Variants in CTNNB1 observed in about 807,000 individuals in gnomAD.
The protein encoded by CTNNB1 is catenin beta 1, also known as catenin beta-1.
In CTNNB1, 6 loss-of-function variants were observed where a neutral mutation model predicts 82.5. The observed-to-expected ratio is 0.07, with a 90% CI of 0.04 to 0.14. The LOEUF (loss-of-function observed/expected upper bound fraction) is 0.14. Among genes scored for constraint, CTNNB1 ranks in the 10% least tolerant of loss-of-function variants. CTNNB1 has a pLI of 1.00. For synonymous variants in CTNNB1, 312 were observed against 329.7 expected, an observed-to-expected ratio of 0.95 and a Z score of 0.58; for missense variants, 529 against 980.4, an observed-to-expected ratio of 0.54 and a Z score of 6.15.
intron 6 of CTNNB1, among the ~76,000 whole-genome samples, chr3:41,226,671 A>G (rs1243903783): frequency 6.6e-6 from 1 of 152,212 alleles, no homozygotes; most frequent in Non-Finnish European, 1.5e-5. Flanking sequence ...AAATTTCAGC[A>G]GAAGCCTGAA....
intron 1 of CTNNB1, among the ~76,000 whole-genome samples, chr3:41,207,333 C>T (rs1203110554): frequency 4.6e-5 from 7 of 152,078 alleles, no homozygotes; most frequent in Admixed American, 2.6e-4. Context: ...TTGAAGAGCG[C>T]CCTCATTATA....
intron 1 of CTNNB1, among the ~76,000 whole-genome samples, chr3:41,218,835 G>A (rs1436994162): frequency 6.6e-6 from 1 of 152,184 alleles, no homozygotes; most frequent in Non-Finnish European, 1.5e-5. Flanking sequence ...GGGATTACAG[G>A]TGTGAGCCAC....
rs1474495388 is a variant in CTNNB1 at position 41,239,716 on chromosome 3, G to A, written c.*374G>A. 2.7e-6 allele frequency: 1 copy of A among 374,962 alleles called. No homozygotes were observed. The highest frequency in any genetic ancestry group is 4.9e-6 in the Non-Finnish European group (1 of 202,268). The allele number at this position is 374,962 out of a possible 1,614,324, so 23.2% of individuals were successfully genotyped here. A position where few individuals can be genotyped will look rare whatever the true frequency, so the allele number is the denominator to read the frequency against. On this transcript the variant is annotated 3_prime_UTR_variant, in exon 15 of 15. Transcript: ENST00000349496. ...CTGTAGAGTTGCTGAGAGGGCTCGAGGGGTGGGCTGGTATCTCAGAAAGTG... is the reference window on the plus strand; with the variant it reads ...CTGTAGAGTTGCTGAGAGGGCTCGAAGGGTGGGCTGGTATCTCAGAAAGTG...
rs776919265 is a variant in CTNNB1, at chr3:41,235,869, G to GT, written c.1803+30dup. ...GTATGTTTTAAGTGAAGTGTTCTAG[G>GT]TTTTATGTCCATAAAATTTCCAGAT... is the stretch of plus-strand genomic sequence containing the variant. On this transcript the variant is annotated intron_variant, in intron 11 of 14. Transcript: ENST00000349496. 64 of 1,613,682 alleles carry GT rather than the reference G, an allele frequency of 4.0e-5. No homozygotes were observed. In the African/African-American group the frequency reaches 7.7e-4, roughly 19 times the overall value.
chr3:41,213,852 T>C (rs748273213), intron 1 of CTNNB1, among the ~76,000 whole-genome samples: 10 of 152,192 alleles, frequency 6.6e-5, no homozygotes, highest in Non-Finnish European at 1.3e-4. Flanking sequence ...ATTTTAATAA[T>C]AGAAGCTTCC....
chr3:41,201,826 G>A (rs1232065081), intron 1 of CTNNB1, among the ~76,000 whole-genome samples: 1 of 152,080 alleles, frequency 6.6e-6, no homozygotes, highest in Non-Finnish European at 1.5e-5. Context: ...ATATAGAAAA[G>A]TGTATTTCCA....
At chr3:41,220,430 CG>C (rs1304219085) in intron 1 of CTNNB1, 3 of 128,396 alleles carry the variant, frequency 2.3e-5, no homozygotes, top group African/African-American at 8.6e-5. Flanking sequence ...CCCCCCTCCC[CG>C]AAGAAAGCTG....
intron 1 of CTNNB1, among the ~76,000 whole-genome samples, chr3:41,208,570 T>C (rs181517410): frequency 6.6e-6 from 1 of 152,360 alleles, no homozygotes; most frequent in African/African-American, 2.4e-5. Context: ...AGCTTTTCCC[T>C]GTTCCTCACC....
In CTNNB1 at chr3:41,239,771, A is replaced by G. The variant is rs1468244125; in HGVS notation, c.*429A>G. On this transcript the variant is annotated 3_prime_UTR_variant, in exon 15 of 15. Coordinates refer to ENST00000349496, the MANE Select transcript of CTNNB1 (RefSeq NM_001904.4). ...ACACACTAACCAAGCTGAGTTTCCT[A>G]TGGGAACAATTGAAGTAAACTTTTT... is the stretch of plus-strand genomic sequence containing the variant. 9 of 312,968 alleles carry G rather than the reference A, an allele frequency of 2.9e-5. No homozygotes were observed. The South Asian group carries it at 3.9e-4, about 14-fold the overall frequency. The allele number at this position is 312,968 out of a possible 1,614,324, so 19.4% of individuals were successfully genotyped here.
chr3:41,228,339 G>A (rs1288266128), intron 7 of CTNNB1, among the ~76,000 whole-genome samples: 1 of 152,182 alleles, frequency 6.6e-6, no homozygotes, highest in East Asian at 1.9e-4. Flanking sequence ...CCCACCAGCA[G>A]TGTATAAGCA....
Position 41,239,479 on chromosome 3 carries a change from A to G in CTNNB1, c.*137A>G, listed in dbSNP as rs757375560. 7.4e-5 allele frequency: 54 copies of G among 733,140 alleles called. No homozygotes were observed. Among genetic ancestry groups the G allele is most frequent in the Non-Finnish European group, 1.1e-4 (45 of 423,104 alleles). 45.4% of individuals were successfully genotyped at this position (733,140 alleles called of 1,614,324 possible). A position where few individuals can be genotyped will look rare whatever the true frequency, so the allele number is the denominator to read the frequency against. On this transcript the variant is annotated 3_prime_UTR_variant, in exon 15 of 15. Transcript: ENST00000349496. ...TTGTAAATCTGCCACAAAAACAGGT[A>G]TATACTTTGAAAGGAGATGTCTTGG...
chr3:41,234,532 T>C (rs753779420), intron 10 of CTNNB1: 3 of 546,310 alleles, frequency 5.5e-6, no homozygotes, highest in East Asian at 3.2e-5. Flanking sequence ...CTTACAAAGG[T>C]TGGGTTAGGT....
At chr3:41,213,995 T>C (rs1299654940) in intron 1 of CTNNB1, among the ~76,000 whole-genome samples, 2 of 152,136 alleles carry the variant, frequency 1.3e-5, no homozygotes, top group Non-Finnish European at 2.9e-5. Context: ...AAACTTGACA[T>C]GTATGGTGGG....
chr3:41,223,739 G>C (rs1018095775), intron 1 of CTNNB1, among the ~76,000 whole-genome samples: 12 of 152,066 alleles, frequency 7.9e-5, no homozygotes, highest in Non-Finnish European at 1.5e-5. Context: ...TTACAACTCT[G>C]TGCTTTTTCA....
At chr3:41,230,433 ATTC>A (rs1392709803) in intron 7 of CTNNB1, among the ~76,000 whole-genome samples, 1 of 152,196 alleles carries the variant, frequency 6.6e-6, no homozygotes, top group Non-Finnish European at 1.5e-5. Flanking sequence ...CTTCCAGGTT[ATTC>A]TTATGTTCAT....
At chr3:41,223,832 C>G (rs922247424) in intron 1 of CTNNB1, among the ~76,000 whole-genome samples, 189 bp from the exon 2 acceptor site, 4 of 152,078 alleles carry the variant, frequency 2.6e-5, no homozygotes, top group Non-Finnish European at 4.4e-5. Flanking sequence ...CACTGAAGTT[C>G]AGCAGTGATG....
At chr3:41,223,650 G>A (rs1315258257) in intron 1 of CTNNB1, among the ~76,000 whole-genome samples, 1 of 152,102 alleles carries the variant, frequency 6.6e-6, no homozygotes, top group African/African-American at 2.4e-5. Flanking sequence ...TCTGTGAAAG[G>A]TTAAAAAAGG....
intron 1 of CTNNB1, among the ~76,000 whole-genome samples, chr3:41,212,911 C>G (rs1038397945): frequency 1.1e-4 from 17 of 152,178 alleles, no homozygotes; most frequent in African/African-American, 3.9e-4. Flanking sequence ...CTACTTGTCC[C>G]TAGTGCCACC....
At chr3:41,222,699 A>G (rs1486800964) in intron 1 of CTNNB1, among the ~76,000 whole-genome samples, 1 of 152,246 alleles carries the variant, frequency 6.6e-6, no homozygotes, top group Non-Finnish European at 1.5e-5. Flanking sequence ...GAAAAACAGT[A>G]CTATAAAAAA....
Sources: gnomAD v4.1 joint callset for allele counts (sites outside exome capture counted in the v4.1 genomes callset) on GRCh38, gnomAD v4.1.1 for gene constraint, MANE v1.5 for transcripts, NCBI Gene and HGNC (gene_info 2026-07-23, HGNC 2026-07-21) for gene names.